GTF2F2: variants seen among roughly 807,000 people sequenced by gnomAD.
The protein encoded by GTF2F2 is general transcription factor IIF subunit 2.
Under a neutral mutation model 42.2 loss-of-function variants are expected in GTF2F2, and 23 were observed. The observed-to-expected ratio is 0.55, with a 90% CI of 0.39 to 0.77. GTF2F2 has a LOEUF of 0.77. GTF2F2 is among the 30% of genes least tolerant of loss of function. The pLI, the probability that GTF2F2 is intolerant of heterozygous loss-of-function variation, is 0.00. For synonymous variants in GTF2F2, 105 were observed against 100.8 expected (o/e 1.04, Z -0.25); for missense variants, 261 against 287.2 (o/e 0.91, Z 0.66).
At chr13:45,212,478 T>TCTTTCTTC in intron 5 of GTF2F2, among the ~76,000 whole-genome samples, 1 of 121,858 alleles carries the variant, frequency 8.2e-6, no homozygotes. Flanking sequence ...TTTCTTTCTT[T>TCTTTCTTC]CTTTCTTTCT....
At chr13:45,282,922 A>C (rs1042150513) in intron 7 of GTF2F2, among the ~76,000 whole-genome samples, 1 of 152,238 alleles carries the variant, frequency 6.6e-6, no homozygotes, top group Admixed American at 6.5e-5. Flanking sequence ...GGTGGCCTAA[A>C]AACAAATTTG....
intron 6 of GTF2F2, among the ~76,000 whole-genome samples, chr13:45,256,470 A>G (rs1876109373): frequency 6.6e-6 from 1 of 152,148 alleles, no homozygotes; most frequent in Non-Finnish European, 1.5e-5. Flanking sequence ...CAAGATATCA[A>G]CCTTTGTTAA....
chr13:45,278,138 G>C (rs1216582443), intron 7 of GTF2F2, among the ~76,000 whole-genome samples: 1 of 152,132 alleles, frequency 6.6e-6, no homozygotes, highest in Non-Finnish European at 1.5e-5. Flanking sequence ...GAAATGGTAG[G>C]GGGTGGAGGG....
intron 5 of GTF2F2, among the ~76,000 whole-genome samples, chr13:45,230,410 G>A (rs1411060209): frequency 6.6e-6 from 1 of 152,140 alleles, no homozygotes; most frequent in Non-Finnish European, 1.5e-5. Context: ...AGTTACTGGG[G>A]TAAAGTGGAC....
intron 5 of GTF2F2, among the ~76,000 whole-genome samples, chr13:45,215,482 G>A (rs1347479078): frequency 3.9e-5 from 6 of 152,160 alleles, no homozygotes; most frequent in Non-Finnish European, 1.5e-5. Flanking sequence ...AAACTGAGCC[G>A]GGCGTGATGG....
chr13:45,264,055 G>A (rs967244521), intron 6 of GTF2F2: 3 of 152,092 alleles, frequency 2.0e-5, no homozygotes, highest in East Asian at 1.9e-4. Flanking sequence ...CAAATATTTC[G>A]GACAGGAAGA....
At chr13:45,217,617 A>G (rs1043117523) in intron 5 of GTF2F2, among the ~76,000 whole-genome samples, 1 of 152,182 alleles carries the variant, frequency 6.6e-6, no homozygotes. Flanking sequence ...AATCTCCAGA[A>G]TTGATACTCT....
intron 4 of GTF2F2, among the ~76,000 whole-genome samples, chr13:45,160,624 A>G (rs535375527): frequency 1.3e-5 from 2 of 152,344 alleles, no homozygotes; most frequent in African/African-American, 4.8e-5. Flanking sequence ...ATTTACATTC[A>G]TTAGCATCAC....
intron 5 of GTF2F2, among the ~76,000 whole-genome samples, chr13:45,229,376 A>G (rs1201395700): frequency 2.0e-5 from 3 of 151,542 alleles, no homozygotes; most frequent in Non-Finnish European, 2.9e-5. Flanking sequence ...AAGCCTCCCT[A>G]TCCTCCTCCA....
chr13:45,197,317 G>A (rs1380685866), intron 4 of GTF2F2, among the ~76,000 whole-genome samples: 3 of 149,286 alleles, frequency 2.0e-5, no homozygotes, highest in Non-Finnish European at 3.0e-5. Flanking sequence ...GCCAGTATAG[G>A]GAAATCCTTT....
chr13:45,192,639 A>G (rs1872707085), intron 4 of GTF2F2, among the ~76,000 whole-genome samples: 1 of 152,194 alleles, frequency 6.6e-6, no homozygotes, highest in African/African-American at 2.4e-5. Context: ...ATTTAAAGTT[A>G]AGTTTGTAGA....
intron 6 of GTF2F2, among the ~76,000 whole-genome samples, chr13:45,254,308 C>G (rs921002667): frequency 6.6e-6 from 1 of 152,136 alleles, no homozygotes; most frequent in Non-Finnish European, 1.5e-5. Context: ...GTACTATCCA[C>G]AATTTCAGGC....
At chr13:45,149,851 G>A in intron 3 of GTF2F2, 63 bp downstream of exon 3, 1 of 1,409,132 alleles carries the variant, frequency 7.1e-7, no homozygotes, top group Non-Finnish European at 9.5e-7. Flanking sequence ...TAATAATAGT[G>A]AAAAAAGAGT....
At chr13:45,125,096 A>G (rs1207079910) in intron 1 of GTF2F2, among the ~76,000 whole-genome samples, 1 of 152,236 alleles carries the variant, frequency 6.6e-6, no homozygotes, top group Non-Finnish European at 1.5e-5. Context: ...TGCAGATAGT[A>G]GGAGAAAAAG....
chr13:45,171,615 C>T (rs532742875), intron 4 of GTF2F2, among the ~76,000 whole-genome samples: 16 of 152,260 alleles, frequency 1.1e-4, no homozygotes, highest in African/African-American at 3.9e-4. Context: ...TAAAAAATTA[C>T]AGCTTTATTG....
intron 5 of GTF2F2, among the ~76,000 whole-genome samples, chr13:45,208,065 A>G (rs1019054018): frequency 3.3e-5 from 5 of 151,802 alleles, no homozygotes; most frequent in African/African-American, 1.2e-4. Flanking sequence ...TGAAGGCTGC[A>G]GTGAGCTGAG....
At chr13:45,123,001 C>G (rs9534034) in intron 1 of GTF2F2, 9,331 of 152,004 alleles carry the variant, frequency 0.061, 388 homozygotes, top group Middle Eastern at 0.13. Context: ...TTAAGAAAAG[C>G]CTATTTGGAG....
intron 1 of GTF2F2, among the ~76,000 whole-genome samples, chr13:45,129,877 G>T (rs944012334): frequency 6.6e-6 from 1 of 152,262 alleles, no homozygotes; most frequent in African/African-American, 2.4e-5. Context: ...AATAGGGCAG[G>T]AAGGGACCTC....
chr13:45,262,405 T>C (rs939848302), intron 6 of GTF2F2, among the ~76,000 whole-genome samples: 1 of 152,122 alleles, frequency 6.6e-6, no homozygotes, highest in Non-Finnish European at 1.5e-5. Flanking sequence ...AACAATAATA[T>C]TTTTGTAGTA....
Sources: allele counts gnomAD v4.1 joint callset (sites outside exome capture counted in the v4.1 genomes callset), GRCh38; gene constraint gnomAD v4.1.1; transcripts MANE v1.5; gene names NCBI Gene and HGNC (gene_info 2026-07-23, HGNC 2026-07-21).